Variants in ARNT2 observed in about 807,000 individuals in gnomAD.
The protein encoded by ARNT2 is aryl hydrocarbon receptor nuclear translocator 2, also known as ARNT protein 2.
Under a neutral mutation model 91.7 loss-of-function variants are expected in ARNT2, and 36 were observed. The ratio of observed to expected loss-of-function variants is 0.39; its 90% CI spans 0.30 to 0.52. ARNT2 has a LOEUF of 0.52. Ranked by LOEUF, ARNT2 falls within the 20% of genes least tolerant of loss-of-function variation. The pLI, the probability that ARNT2 is intolerant of heterozygous loss-of-function variation, is 0.72. For missense variants in ARNT2, 775 were observed against 939.3 expected (o/e 0.83, Z 2.29); for synonymous variants, 365 against 347.1 (o/e 1.05, Z -0.57).
At position 80,591,664 on chromosome 15, in the gene ARNT2, A is replaced by C. The variant is rs1893282047; in HGVS notation, c.2015A>C (p.Gln672Pro). 8 of 1,613,990 alleles carry C rather than the reference A, an allele frequency of 5.0e-6. No individual in the cohort carries two copies. The highest frequency in any genetic ancestry group is 6.8e-6 in the Non-Finnish European group (8 of 1,179,958). Residue 672 changes from glutamine to proline, a missense_variant, in exon 18 of 19, where the codon CAG becomes CCG. By Grantham distance (76) the Gln-to-Pro change is moderately conservative. Around this residue, in one of 5 missense-constraint regions of ARNT2, gnomAD observed 325 missense variants for 359.9 expected, o/e 0.90. Transcript: ENST00000303329. The surrounding 1 kb of genome is among the most constrained non-coding windows in gnomAD (Gnocchi z 5.1). ...CACCATGGCCAGCAGAGCGGTGAGC[A>C]GCACTCCCACCAGCAGCCCGGTCAG... ...SQHHGQQSGE[Q>P]HSHQQPGQTE...
chr15:80,551,129 C>T (rs1898073364), intron 8 of ARNT2, 70 bp from the exon 9 acceptor site: 20 of 1,465,720 alleles, frequency 1.4e-5, no homozygotes, highest in Non-Finnish European at 1.9e-5. Context: ...TAAATAAAAT[C>T]GTGGACACTT....
At chr15:80,532,082 T>A (rs1897749466) in intron 8 of ARNT2, among the ~76,000 whole-genome samples, 1 of 152,206 alleles carries the variant, frequency 6.6e-6, no homozygotes, top group South Asian at 2.1e-4. Context: ...CCAGGCTAAA[T>A]GCTTAATGTG....
In ARNT2 at chr15:80,597,439, C is replaced by G; in HGVS notation, c.*3741C>G. On this transcript the variant is annotated 3_prime_UTR_variant, in exon 19 of 19. Transcript: ENST00000303329. Reference sequence around the variant, plus strand: ...TGCCGGGGTCATTCCCCACCAAACACCCCATACTAAGGAGCCATGAGCCAC... The same window carrying G: ...TGCCGGGGTCATTCCCCACCAAACAGCCCATACTAAGGAGCCATGAGCCAC... The G allele has an allele frequency of 2.8e-6, 1 of 355,354 alleles. No individual in the cohort carries two copies. Among genetic ancestry groups the G allele is most frequent in the South Asian group, 2.1e-5 (1 of 47,100 alleles). The allele number at this position is 355,354 out of a possible 1,614,324, so 22.0% of individuals were successfully genotyped here. A position where few individuals can be genotyped will look rare whatever the true frequency, so the allele number is the denominator to read the frequency against.
chr15:80,409,439 A>G (rs1405582801), intron 1 of ARNT2, among the ~76,000 whole-genome samples: 1 of 151,778 alleles, frequency 6.6e-6, no homozygotes, highest in Admixed American at 6.5e-5. Context: ...AGAATATTCC[A>G]TTGTCTGGAT....
intron 2 of ARNT2, among the ~76,000 whole-genome samples, chr15:80,455,760 G>A (rs574778870): frequency 6.6e-6 from 1 of 152,238 alleles, no homozygotes; most frequent in African/African-American, 2.4e-5. Flanking sequence ...ATTGCATTTT[G>A]CAGGAGTACT....
At chr15:80,468,702 CA>C (rs1424777456) in intron 3 of ARNT2, among the ~76,000 whole-genome samples, 4 of 152,350 alleles carry the variant, frequency 2.6e-5, no homozygotes, top group African/African-American at 7.2e-5. Context: ...AGCATTTAAT[CA>C]TACTCTGCGT....
chr15:80,442,026 G>A (rs533747468), intron 1 of ARNT2, among the ~76,000 whole-genome samples: 2 of 152,298 alleles, frequency 1.3e-5, no homozygotes, highest in South Asian at 2.1e-4. Context: ...ATTTGCCATC[G>A]GTTATGATCA....
intron 8 of ARNT2, among the ~76,000 whole-genome samples, chr15:80,536,834 C>G (rs1052594189): frequency 6.6e-6 from 1 of 152,048 alleles, no homozygotes; most frequent in African/African-American, 2.4e-5. Context: ...AGACCTTGTT[C>G]CTGTCAGCTG....
Position 80,597,405 on chromosome 15 carries a change from C to A in ARNT2, c.*3707C>A, listed in dbSNP as rs1893391613. 3 of 420,340 alleles carry A rather than the reference C, an allele frequency of 7.1e-6. No individual in the cohort carries two copies. The highest frequency in any genetic ancestry group is 2.0e-5 in the African/African-American group (1 of 48,916). The allele number at this position is 420,340 out of a possible 1,614,324, so 26.0% of individuals were successfully genotyped here. ...ATATGGGCTTGGCCTAAGTCGCTGT[C>A]TCCTAACCTGCCGGGGTCATTCCCC... On this transcript the variant is annotated 3_prime_UTR_variant, in exon 19 of 19. Coordinates refer to ENST00000303329, the MANE Select transcript of ARNT2 (RefSeq NM_014862.4).
intron 5 of ARNT2, among the ~76,000 whole-genome samples, chr15:80,486,205 G>A (rs1478221662): frequency 6.6e-6 from 1 of 152,140 alleles, no homozygotes; most frequent in Non-Finnish European, 1.5e-5. Flanking sequence ...CAGTCTGTTG[G>A]ATTAGGGCCC....
At position 80,450,870 on chromosome 15, in the gene ARNT2, T is replaced by C; in HGVS notation, c.32-10T>C. 1.2e-6 allele frequency: 2 copies of C among 1,614,030 alleles called. No homozygotes were observed. The highest frequency in any genetic ancestry group is 1.6e-4 in the Middle Eastern group (1 of 6,062). On this transcript the variant is annotated splice_polypyrimidine_tract_variant and intron_variant, in intron 1 of 18. Coordinates refer to ENST00000303329, the MANE Select transcript of ARNT2 (RefSeq NM_014862.4). ...CATTGACAAAACCTCTTGTCTTTGC[T>C]GAATTCCAGAAATGGCTTCAGACAT...
intron 6 of ARNT2, 107 bp downstream of exon 6, chr15:80,508,365 G>T: frequency 1.9e-6 from 2 of 1,049,360 alleles, no homozygotes; most frequent in Middle Eastern, 2.9e-4. Flanking sequence ...GCCAACGTGG[G>T]TTCACTCCAG....
intron 3 of ARNT2, among the ~76,000 whole-genome samples, chr15:80,460,423 C>A (rs1171244249): frequency 5.3e-5 from 8 of 152,232 alleles, no homozygotes; most frequent in African/African-American, 1.9e-4. Flanking sequence ...GAAGCTGCCA[C>A]TGCTGTGTGA....
chr15:80,505,929 T>TTTTTTTTTTTG lies in ARNT2; in HGVS notation c.623-2217_623-2216insGTTTTTTTTTT, dbSNP rs1292490752. On this transcript the variant is annotated intron_variant, in intron 5 of 18. Coordinates refer to ENST00000303329, the MANE Select transcript of ARNT2 (RefSeq NM_014862.4). ...AAAAATGATTCCCAACATTTGTTGT[T>TTTTTTTTTTTG]TTTTTTTTTTTTTTTTTTGAGACGG... Among the ~76,000 whole-genome samples the TTTTTTTTTTTG allele has an allele frequency of 1.4e-4, 4 of 27,766 alleles. 1 individual carries two copies. Among genetic ancestry groups the TTTTTTTTTTTG allele is most frequent in the Non-Finnish European group, 2.2e-4 (3 of 13,598 alleles). 18.2% of individuals were successfully genotyped at this position (27,766 alleles called of 152,430 possible). A position where few individuals can be genotyped will look rare whatever the true frequency, so the allele number is the denominator to read the frequency against.
rs2141458578 is a variant in ARNT2, at chr15:80,554,888, C to T, written c.1090-177C>T. 7.0e-6 allele frequency: 4 copies of T among 574,282 alleles called. No homozygotes were observed. In the Middle Eastern group the frequency reaches 1.9e-3, roughly 270 times the overall value. 35.6% of individuals were successfully genotyped at this position (574,282 alleles called of 1,614,324 possible). A position where few individuals can be genotyped will look rare whatever the true frequency, so the allele number is the denominator to read the frequency against. ...AGAACTTAGAGTGAATACCAAGAAGCCAGTTCTCTGACGGCTCCCAGGGAA... is the reference window on the plus strand; with the variant it reads ...AGAACTTAGAGTGAATACCAAGAAGTCAGTTCTCTGACGGCTCCCAGGGAA... On this transcript the variant is annotated intron_variant, in intron 10 of 18. Transcript: ENST00000303329.
chr15:80,589,860 T>G (rs1893242418), intron 17 of ARNT2, among the ~76,000 whole-genome samples: 1 of 152,200 alleles, frequency 6.6e-6, no homozygotes, highest in Admixed American at 6.5e-5. Context: ...GAATTTTTTA[T>G]AGCAGAATCC....
At chr15:80,457,388 C>G (rs1160712410) in intron 2 of ARNT2, among the ~76,000 whole-genome samples, 1 of 152,160 alleles carries the variant, frequency 6.6e-6, no homozygotes, top group Admixed American at 6.5e-5. Flanking sequence ...TTTGACTCAT[C>G]AAGACCAGCC....
chr15:80,415,150 T>C lies in ARNT2; in HGVS notation c.31+10604T>C, dbSNP rs539932044. 5.9e-5 allele frequency among the ~76,000 whole-genome samples: 9 copies of C among 152,358 alleles called. No individual in the cohort carries two copies. The East Asian group carries it at 1.7e-3, about 29-fold the overall frequency. On this transcript the variant is annotated intron_variant, in intron 1 of 18. Transcript: ENST00000303329. Reference sequence around the variant, plus strand: ...TCAGTGTCACAAACTGCAGGCCTTATTCCCAGCTGCTTGCTGGGTCTGTGG... The same window carrying C: ...TCAGTGTCACAAACTGCAGGCCTTACTCCCAGCTGCTTGCTGGGTCTGTGG...
intron 4 of ARNT2, among the ~76,000 whole-genome samples, chr15:80,471,570 T>C (rs989280769): frequency 3.9e-5 from 6 of 152,116 alleles, no homozygotes; most frequent in African/African-American, 1.4e-4. Flanking sequence ...GCAGCAGTAG[T>C]GATAATAGTA....
Sources: gnomAD v4.1 joint callset for allele counts (sites outside exome capture counted in the v4.1 genomes callset) on GRCh38, gnomAD v4.1.1 for gene constraint, gnomAD v4.1.1 regional missense constraint, Gnocchi (gnomAD v3.1) non-coding constraint, MANE v1.5 for transcripts, NCBI Gene and HGNC (gene_info 2026-07-23, HGNC 2026-07-21) for gene names.